RFWD3: variants seen among roughly 807,000 people sequenced by gnomAD.
RFWD3 encodes the protein E3 ubiquitin-protein ligase RFWD3.
Under a neutral mutation model 87.7 loss-of-function variants are expected in RFWD3, and 65 were observed. The ratio of observed to expected loss-of-function variants is 0.74; its 90% CI spans 0.61 to 0.91. The LOEUF (loss-of-function observed/expected upper bound fraction) is 0.91, where lower values mean the gene tolerates loss of function less well. Among genes scored for constraint, RFWD3 ranks in the 40% least tolerant of loss-of-function variants. The pLI, the probability that RFWD3 is intolerant of heterozygous loss-of-function variation, is 0.00. For missense variants in RFWD3, 1,078 were observed against 938.5 expected (o/e 1.15, Z -1.94); for synonymous variants, 433 against 352.8 (o/e 1.23, Z -2.55).
At chr16:74,627,281 C>T (rs942388366) in intron 11 of RFWD3, among the ~76,000 whole-genome samples, 34 of 152,204 alleles carry the variant, frequency 2.2e-4, no homozygotes, top group Non-Finnish European at 3.8e-4. Flanking sequence ...GTTACCTCAG[C>T]ATCTGTTTTT....
intron 2 of RFWD3, among the ~76,000 whole-genome samples, chr16:74,654,868 C>A (rs1960842081): frequency 6.6e-6 from 1 of 152,178 alleles, no homozygotes; most frequent in African/African-American, 2.4e-5. Context: ...TTAAGTGAAT[C>A]CCTAATCCAG....
chr16:74,647,412 C>T (rs756167114), intron 4 of RFWD3, among the ~76,000 whole-genome samples: 2 of 152,084 alleles, frequency 1.3e-5, no homozygotes, highest in African/African-American at 2.4e-5. Context: ...CTCAGCTTCC[C>T]GAGTAGCTGG....
intron 6 of RFWD3, among the ~76,000 whole-genome samples, chr16:74,643,361 T>C (rs1959819429): frequency 6.6e-6 from 1 of 152,216 alleles, no homozygotes. Flanking sequence ...TTCAACATTG[T>C]ATTCTGTTCA....
At chr16:74,650,009 T>C (rs1449483091) in intron 3 of RFWD3, among the ~76,000 whole-genome samples, 1 of 152,224 alleles carries the variant, frequency 6.6e-6, no homozygotes, top group Non-Finnish European at 1.5e-5. Flanking sequence ...TATGCCCATT[T>C]AGAGTCAATC....
chr16:74,641,508 T>C (rs764045467), intron 6 of RFWD3, among the ~76,000 whole-genome samples: 2 of 151,698 alleles, frequency 1.3e-5, no homozygotes, highest in Non-Finnish European at 2.9e-5. Context: ...TATCAAGAAA[T>C]TGAAATGAAA....
chr16:74,648,947 G>C (rs943316468), intron 4 of RFWD3, among the ~76,000 whole-genome samples, 185 bp downstream of exon 4: 1 of 152,080 alleles, frequency 6.6e-6, no homozygotes, highest in African/African-American at 2.4e-5. Context: ...GCCGAGTGTG[G>C]TGGCATTACC....
chr16:74,656,147 A>T (rs1402511243), intron 2 of RFWD3, among the ~76,000 whole-genome samples: 1 of 151,976 alleles, frequency 6.6e-6, no homozygotes, highest in Non-Finnish European at 1.5e-5. Context: ...AAACAGAAAA[A>T]ATTAGCTGGG....
At position 74,623,825 on chromosome 16, in the gene RFWD3, T is replaced by A; in HGVS notation, c.*103A>T. ...AATGCAAACAAACCATGATTCCCAA[T>A]GTTCTAGACTGCAGACAATAAACAG... On this transcript the variant is annotated 3_prime_UTR_variant, in exon 13 of 13. Transcript: ENST00000361070. The A allele has an allele frequency of 8.0e-7, 1 of 1,248,376 alleles. No individual in the cohort carries two copies. Among genetic ancestry groups the A allele is most frequent in the South Asian group, 1.4e-5 (1 of 71,528 alleles). 77.3% of individuals were successfully genotyped at this position (1,248,376 alleles called of 1,614,324 possible).
intron 2 of RFWD3, among the ~76,000 whole-genome samples, chr16:74,656,991 T>C (rs573650891): frequency 1.3e-5 from 2 of 152,300 alleles, no homozygotes; most frequent in Admixed American, 6.5e-5. Context: ...TCCTTCTTAT[T>C]GGTTAGTTTA....
intron 11 of RFWD3, among the ~76,000 whole-genome samples, chr16:74,628,198 G>T (rs1958991348): frequency 6.6e-6 from 1 of 152,164 alleles, no homozygotes; most frequent in Non-Finnish European, 1.5e-5. Context: ...AACTGTAGGG[G>T]CTCCTAAGTG....
chr16:74,644,292 C>T (rs1255945525), intron 6 of RFWD3, 70 bp downstream of exon 6: 4 of 1,486,442 alleles, frequency 2.7e-6, no homozygotes, highest in Admixed American at 3.3e-5. Context: ...TGACTCATAA[C>T]TTCTTTTTCA....
chr16:74,641,305 G>C (rs1408737599), intron 6 of RFWD3, among the ~76,000 whole-genome samples: 4 of 152,028 alleles, frequency 2.6e-5, no homozygotes, highest in Non-Finnish European at 5.9e-5. Context: ...TGGGACTACA[G>C]GTGCGTGCCA....
intron 2 of RFWD3, among the ~76,000 whole-genome samples, chr16:74,657,302 G>A (rs188547357): frequency 7.2e-5 from 11 of 152,172 alleles, no homozygotes; most frequent in Non-Finnish European, 1.5e-4. Flanking sequence ...AATGAGATTC[G>A]GCTGTTTTTC....
At position 74,661,198 on chromosome 16, in the gene RFWD3, C is replaced by G. The variant is rs140821881; in HGVS notation, c.252G>C (p.Glu84Asp). Residue 84 changes from glutamate (E) to aspartate (D), a missense_variant, in exon 2 of 13, where the codon GAG (glutamate) becomes GAC (aspartate). Coordinates refer to ENST00000361070, the MANE Select transcript of RFWD3 (RefSeq NM_018124.4). ...PQLSVDLTEVEVLGEDTVENI... is the reference protein window; with the variant it reads ...PQLSVDLTEVDVLGEDTVENI... ...TCTCCACAGTGTCTTCTCCCAAGAC[C>G]TCCACTTCTGTCAGGTCAACAGACA... is the stretch of plus-strand genomic sequence containing the variant. 4 of 1,614,228 alleles carry G rather than the reference C, an allele frequency of 2.5e-6. No homozygotes were observed. Among genetic ancestry groups the G allele is most frequent in the Non-Finnish European group, 3.4e-6 (4 of 1,180,042 alleles).
rs888012250 is a variant in RFWD3 at position 74,655,053 on chromosome 16, C to T, written c.519-2931G>A. Among the ~76,000 whole-genome samples, 13 of 152,200 alleles carry T rather than the reference C, an allele frequency of 8.5e-5. No individual in the cohort carries two copies. The East Asian group carries it at 2.1e-3, about 25-fold the overall frequency. ...AACTGTACCAAGTTATCCAGAATAT[C>T]TAGCTAAGACAATTGATGAAAGTAT... On this transcript the variant is annotated intron_variant, in intron 2 of 12. Transcript: ENST00000361070.
chr16:74,642,991 G>T (rs193081005), intron 6 of RFWD3, among the ~76,000 whole-genome samples: 1 of 152,096 alleles, frequency 6.6e-6, no homozygotes, highest in Non-Finnish European at 1.5e-5. Context: ...ACAGCCACAC[G>T]TATAGATTTT....
At chr16:74,640,668 A>C (rs1417153672) in intron 6 of RFWD3, among the ~76,000 whole-genome samples, 1 of 150,732 alleles carries the variant, frequency 6.6e-6, no homozygotes, top group Admixed American at 6.6e-5. Context: ...GGCCAGGCGC[A>C]GTGGCTCATG....
At chr16:74,638,188 G>A (rs1247657681) in intron 6 of RFWD3, among the ~76,000 whole-genome samples, 1 of 152,150 alleles carries the variant, frequency 6.6e-6, no homozygotes, top group African/African-American at 2.4e-5. Flanking sequence ...AGAAAATGGG[G>A]ACTAAAAATG....
chr16:74,621,518 T>C lies in RFWD3; in HGVS notation c.*2410A>G, dbSNP rs1958766748. On this transcript the variant is annotated 3_prime_UTR_variant, in exon 13 of 13. Coordinates refer to ENST00000361070, the MANE Select transcript of RFWD3 (RefSeq NM_018124.4). ...AAAGCAGGGGCAAGAATACATACAATGACAAGACATTTTGAGTTCGTTTAA... is the reference window on the plus strand; with the variant it reads ...AAAGCAGGGGCAAGAATACATACAACGACAAGACATTTTGAGTTCGTTTAA... The C allele has an allele frequency of 6.6e-6, 1 of 152,084 alleles. No individual in the cohort carries two copies. The highest frequency in any genetic ancestry group is 2.4e-5 in the African/African-American group (1 of 41,396). The allele number at this position is 152,084 out of a possible 1,614,324, so 9.4% of individuals were successfully genotyped here.
Sources: gnomAD v4.1 joint callset for allele counts (sites outside exome capture counted in the v4.1 genomes callset) on GRCh38, gnomAD v4.1.1 for gene constraint, MANE v1.5 for transcripts, NCBI Gene and HGNC (gene_info 2026-07-23, HGNC 2026-07-21) for gene names.